TOMM20L: variants seen among roughly 807,000 people sequenced by gnomAD.
TOMM20L encodes the protein TOMM20-like protein 1.
A neutral mutation model predicts 20.4 loss-of-function variants in TOMM20L; 19 were observed. That is an observed-to-expected ratio of 0.93 (90% CI 0.65 to 1.36). TOMM20L has a LOEUF of 1.36. Among genes scored for constraint, TOMM20L ranks in the 40% most tolerant of loss-of-function variants. The pLI is 0.00. For missense variants in TOMM20L, 218 were observed against 203.7 expected (o/e 1.07, Z -0.43); for synonymous variants, 75 against 79.6 (o/e 0.94, Z 0.30).
downstream of TOMM20L, among the ~76,000 whole-genome samples, chr14:58,413,253 C>A (rs572944081): frequency 1.5e-3 from 226 of 152,236 alleles, 1 homozygote; most frequent in African/African-American, 4.8e-3. Context: ...AAAGTAGATT[C>A]ATATATCTGA....
chr14:58,402,821 G>A, intron 3 of TOMM20L, 60 bp downstream of exon 3: 1 of 1,295,080 alleles, frequency 7.7e-7, no homozygotes, highest in African/African-American at 1.5e-5. Flanking sequence ...AATATTTATT[G>A]ATTAGTATTT....
chr14:58,404,509 TC>T (rs1174165180), intron 3 of TOMM20L, among the ~76,000 whole-genome samples: 9 of 151,890 alleles, frequency 5.9e-5, no homozygotes, highest in South Asian at 4.1e-4. Context: ...TTGTTTTTTT[TC>T]AAAAGGTTTT....
chr14:58,407,984 G>A (rs1462341889), intron 4 of TOMM20L, among the ~76,000 whole-genome samples: 1 of 151,672 alleles, frequency 6.6e-6, no homozygotes, highest in Non-Finnish European at 1.5e-5. Flanking sequence ...TCATTGGCAA[G>A]CCTTGGAATC....
downstream of TOMM20L, chr14:58,411,086 G>A (rs2036199954): frequency 6.7e-6 from 4 of 594,584 alleles, no homozygotes; most frequent in Non-Finnish European, 1.2e-5. Flanking sequence ...GGTACAGTAT[G>A]ATCTACAGAA....
intron 2 of TOMM20L, among the ~76,000 whole-genome samples, chr14:58,400,836 C>T (rs1195871284): frequency 6.6e-6 from 1 of 152,114 alleles, no homozygotes; most frequent in Admixed American, 6.6e-5. Flanking sequence ...CAAGACTGCA[C>T]CACTGCACTC....
At chr14:58,415,944 A>G in the TOMM20L span, among the ~76,000 whole-genome samples, 1 of 152,004 alleles carries the variant, frequency 6.6e-6, no homozygotes, top group African/African-American at 2.4e-5. Flanking sequence ...GGCTGAGCGC[A>G]GTGCCTCACG....
chr14:58,405,576 C>T (rs1033804934), intron 3 of TOMM20L, among the ~76,000 whole-genome samples: 1 of 152,196 alleles, frequency 6.6e-6, no homozygotes, highest in East Asian at 1.9e-4. Context: ...AGTGCAGTGG[C>T]ATGATCTTGG....
chr14:58,402,782 T>C, intron 3 of TOMM20L, 21 bp downstream of exon 3: 1 of 1,547,482 alleles, frequency 6.5e-7, no homozygotes, highest in Non-Finnish European at 8.9e-7. Context: ...AAATGTTCTT[T>C]TGTGAGTTAT....
intron 3 of TOMM20L, among the ~76,000 whole-genome samples, chr14:58,402,973 C>T (rs539262381): frequency 4.6e-4 from 70 of 152,254 alleles, no homozygotes; most frequent in African/African-American, 1.5e-3. Flanking sequence ...AGTGGGCAAA[C>T]GGAGTAGCAA....
At chr14:58,415,282 A>G in the TOMM20L span, among the ~76,000 whole-genome samples, 2 of 152,208 alleles carry the variant, frequency 1.3e-5, no homozygotes, top group Non-Finnish European at 2.9e-5. Context: ...GAGCCTCATA[A>G]CATGATATGC....
At position 58,402,727 on chromosome 14, in the gene TOMM20L, A is replaced by G. The variant is rs2036007019; in HGVS notation, c.228A>G (p.Gln76=). ...AAAAGTTGCAAGAACTTTTCTTGCA[A>G]GAGGTACGGATGGGAGAACTTTGGT... The part of the protein sequence containing the change: ...KNKKLQELFL[Q]EVRMGELWLS... The change falls in exon 3 of 5, where the codon CAA becomes CAG. Residue 76 remains glutamine (Q), a synonymous_variant. Coordinates refer to ENST00000360945, the MANE Select transcript of TOMM20L (RefSeq NM_207377.3). 6.2e-7 allele frequency: 1 copy of G among 1,613,778 alleles called. No homozygotes were observed.
At chr14:58,408,121 T>C (rs1209654068) in intron 4 of TOMM20L, among the ~76,000 whole-genome samples, 1 of 151,990 alleles carries the variant, frequency 6.6e-6, no homozygotes, top group Non-Finnish European at 1.5e-5. Context: ...TACGAAAATG[T>C]AGGTAAGATA....
intron 2 of TOMM20L, among the ~76,000 whole-genome samples, chr14:58,399,884 G>GCA (rs1289635195): frequency 1.1e-4 from 4 of 37,562 alleles, no homozygotes; most frequent in South Asian, 1.9e-3. Flanking sequence ...ATGCTCTATT[G>GCA]CATATATATA....
At chr14:58,410,703 C>G (rs558930230), downstream of TOMM20L, 236 of 589,336 alleles carry the variant, frequency 4.0e-4, 1 homozygote. Flanking sequence ...TCAGTGGCTG[C>G]TTCAGTTCTT....
chr14:58,403,943 A>T (rs1292205304), intron 3 of TOMM20L, among the ~76,000 whole-genome samples: 1 of 149,126 alleles, frequency 6.7e-6, no homozygotes, highest in Non-Finnish European at 1.5e-5. Context: ...AGATAATATT[A>T]TTATTGTATA....
chr14:58,405,838 ATATTT>A (rs2140305119), intron 3 of TOMM20L, among the ~76,000 whole-genome samples: 1 of 152,346 alleles, frequency 6.6e-6, no homozygotes, highest in Admixed American at 6.5e-5. Context: ...TTATACTTCC[ATATTT>A]TACTTATATT....
intron 2 of TOMM20L, among the ~76,000 whole-genome samples, chr14:58,400,941 T>A (rs1028544337): frequency 6.6e-6 from 1 of 152,216 alleles, no homozygotes; most frequent in Non-Finnish European, 1.5e-5. Context: ...CTTGCTATGT[T>A]CCCTGCAATT....
chr14:58,409,169 C>A, downstream of TOMM20L: 1 of 1,610,772 alleles, frequency 6.2e-7, no homozygotes, highest in South Asian at 1.1e-5. Flanking sequence ...AACAGGTGGT[C>A]TAGGAATGAA....
intron 3 of TOMM20L, among the ~76,000 whole-genome samples, chr14:58,405,946 A>G (rs2036052141): frequency 6.6e-6 from 1 of 152,230 alleles, no homozygotes; most frequent in Non-Finnish European, 1.5e-5. Context: ...CCAGGTGTCA[A>G]TATTTTTTTT....
Sources: allele counts gnomAD v4.1 joint callset (sites outside exome capture counted in the v4.1 genomes callset), GRCh38; gene constraint gnomAD v4.1.1; transcripts MANE v1.5; gene names NCBI Gene and HGNC (gene_info 2026-07-23, HGNC 2026-07-21).